The following LPP variants were observed in gnomAD, a reference collection of about 807,000 sequenced individuals.
LPP encodes the protein lipoma-preferred partner.
In LPP, 38 loss-of-function variants were observed where a neutral mutation model predicts 60.4. The observed-to-expected ratio is 0.63, with a 90% CI of 0.49 to 0.83. The LOEUF is 0.83. LPP is among the 40% of genes least tolerant of loss of function. The probability of loss-of-function intolerance (pLI) is 0.00; values close to 1 mark genes in which losing one functional copy is unlikely to be tolerated. For synonymous variants in LPP, 328 were observed against 290.8 expected (o/e 1.13, Z -1.30); for missense variants, 902 against 783.6 (o/e 1.15, Z -1.80).
intron 6 of LPP, among the ~76,000 whole-genome samples, chr3:188,581,876 T>A (rs1231046041): frequency 6.6e-6 from 1 of 152,170 alleles, no homozygotes; most frequent in African/African-American, 2.4e-5. Flanking sequence ...TCTCTTATAT[T>A]TCCTTTATTA....
At chr3:188,356,962 G>C (rs549192966) in intron 3 of LPP, among the ~76,000 whole-genome samples, 3 of 152,158 alleles carry the variant, frequency 2.0e-5, no homozygotes, top group Non-Finnish European at 4.4e-5. Flanking sequence ...GGGGAGGTGG[G>C]TGAATGCCCA....
intron 4 of LPP, among the ~76,000 whole-genome samples, chr3:188,407,589 C>T (rs983985252): frequency 1.3e-5 from 2 of 152,052 alleles, no homozygotes; most frequent in East Asian, 3.9e-4. Flanking sequence ...CTGTAGCACT[C>T]CATGATGTTT....
intron 2 of LPP, among the ~76,000 whole-genome samples, chr3:188,245,547 C>A (rs2149505000): frequency 6.6e-6 from 1 of 152,280 alleles, no homozygotes; most frequent in East Asian, 1.9e-4. Flanking sequence ...TTTGCCTTTT[C>A]ACCTCCTCTT....
intron 1 of LPP, among the ~76,000 whole-genome samples, chr3:188,177,396 T>A (rs1469563582): frequency 1.3e-5 from 2 of 152,196 alleles, no homozygotes; most frequent in Non-Finnish European, 2.9e-5. Context: ...AGGCACATTT[T>A]CAGTTCTGCT....
At chr3:188,195,947 T>C (rs1273795499) in intron 1 of LPP, among the ~76,000 whole-genome samples, 2 of 152,204 alleles carry the variant, frequency 1.3e-5, no homozygotes, top group East Asian at 3.9e-4. Context: ...CTCCTCTGCC[T>C]TTATATTTGT....
At chr3:188,161,138 G>A (rs1301504748) in intron 1 of LPP, among the ~76,000 whole-genome samples, 7 of 152,178 alleles carry the variant, frequency 4.6e-5, no homozygotes, top group African/African-American at 1.7e-4. Context: ...GCCAAGCTAA[G>A]GATGATGGCA....
At chr3:188,333,710 A>T (rs1348618132) in intron 2 of LPP, among the ~76,000 whole-genome samples, 1 of 152,196 alleles carries the variant, frequency 6.6e-6, no homozygotes, top group Non-Finnish European at 1.5e-5. Flanking sequence ...GAATTTTTTA[A>T]AAGTATTTAC....
At chr3:188,770,815 C>T (rs1461522689) in intron 9 of LPP, among the ~76,000 whole-genome samples, 1 of 152,160 alleles carries the variant, frequency 6.6e-6, no homozygotes, top group East Asian at 1.9e-4. Flanking sequence ...CACACTCAGC[C>T]AGCTGCTATT....
At chr3:188,449,984 T>C (rs1796214702) in intron 4 of LPP, among the ~76,000 whole-genome samples, 1 of 152,072 alleles carries the variant, frequency 6.6e-6, no homozygotes, top group Admixed American at 6.5e-5. Flanking sequence ...TTTGTATTTT[T>C]AGTAGAGACA....
At chr3:188,515,628 C>T (rs1168073331) in intron 5 of LPP, among the ~76,000 whole-genome samples, 2 of 152,106 alleles carry the variant, frequency 1.3e-5, no homozygotes, top group Non-Finnish European at 2.9e-5. Context: ...AATGTATTCC[C>T]CCTTATGAAT....
chr3:188,351,904 C>A (rs140032060), intron 3 of LPP, among the ~76,000 whole-genome samples: 1 of 152,148 alleles, frequency 6.6e-6, no homozygotes, highest in African/African-American at 2.4e-5. Flanking sequence ...CTCTCCTTTC[C>A]ACACATACAT....
At chr3:188,527,094 C>G (rs1163856435) in intron 6 of LPP, among the ~76,000 whole-genome samples, 1 of 152,140 alleles carries the variant, frequency 6.6e-6, no homozygotes. Context: ...GATCTGTAAG[C>G]AACCAGATGG....
chr3:188,554,675 G>T (rs961254821), intron 6 of LPP, among the ~76,000 whole-genome samples: 7 of 152,074 alleles, frequency 4.6e-5, no homozygotes, highest in African/African-American at 1.4e-4. Flanking sequence ...ATTTTACTTT[G>T]ATTCCAAATC....
chr3:188,688,298 C>T lies in LPP; in HGVS notation c.1114-19969C>T, dbSNP rs367708942. Among the ~76,000 whole-genome samples, 15 of 152,336 alleles carry T rather than the reference C, an allele frequency of 9.8e-5. 1 individual carries two copies. Among genetic ancestry groups the T allele is most frequent in the East Asian group, 3.9e-4 (2 of 5,182 alleles). On this transcript the variant is annotated intron_variant, in intron 7 of 11. Transcript: ENST00000617246. ...TTTTCCCTATGCAATGTCATCTAGC[C>T]TTTGAGATTTTAGAGTTAATGACTC... is the stretch of plus-strand genomic sequence containing the variant.
intron 3 of LPP, among the ~76,000 whole-genome samples, chr3:188,383,567 A>C (rs1777442681): frequency 6.6e-6 from 1 of 152,204 alleles, no homozygotes; most frequent in Admixed American, 6.5e-5. Context: ...ATATTAAAAC[A>C]ACAATTATGT....
intron 5 of LPP, among the ~76,000 whole-genome samples, chr3:188,505,136 T>C (rs1425795403): frequency 6.6e-6 from 1 of 152,212 alleles, no homozygotes; most frequent in Non-Finnish European, 1.5e-5. Context: ...AGTAGACTCC[T>C]TTAATAGACT....
At chr3:188,318,410 C>CAAAAA (rs1158075590) in intron 2 of LPP, among the ~76,000 whole-genome samples, 1 of 107,492 alleles carries the variant, frequency 9.3e-6, no homozygotes, top group African/African-American at 3.9e-5. Flanking sequence ...CTAGGATTTC[C>CAAAAA]AAAAAAACAA....
chr3:188,412,365 G>A (rs915575327), intron 4 of LPP, among the ~76,000 whole-genome samples: 2 of 152,196 alleles, frequency 1.3e-5, no homozygotes, highest in Admixed American at 6.5e-5. Flanking sequence ...CCAATTCAAC[G>A]TGATCATTTT....
intron 8 of LPP, among the ~76,000 whole-genome samples, chr3:188,753,937 A>C (rs1729171527): frequency 6.6e-6 from 1 of 152,290 alleles, no homozygotes; most frequent in African/African-American, 2.4e-5. Flanking sequence ...CATGTGTCCT[A>C]CAGTCCAGCT....
Sources: gnomAD v4.1 joint callset for allele counts (sites outside exome capture counted in the v4.1 genomes callset) on GRCh38, gnomAD v4.1.1 for gene constraint, MANE v1.5 for transcripts, NCBI Gene and HGNC (gene_info 2026-07-23, HGNC 2026-07-21) for gene names.